DGKB: variants seen among roughly 807,000 people sequenced by gnomAD.
The protein encoded by DGKB is diacylglycerol kinase beta.
In DGKB, 67 loss-of-function variants were observed where a neutral mutation model predicts 114.3. The ratio of observed to expected loss-of-function variants is 0.59; its 90% CI spans 0.48 to 0.72. The LOEUF (loss-of-function observed/expected upper bound fraction) is 0.72. Ranked by LOEUF, DGKB falls within the 30% of genes least tolerant of loss-of-function variation. DGKB has a pLI of 0.00. For missense variants in DGKB, 907 were observed against 975.2 expected (o/e 0.93, Z 0.93); for synonymous variants, 398 against 323.1 (o/e 1.23, Z -2.49).
chr7:14,368,933 T>C (rs566954529), intron 21 of DGKB, among the ~76,000 whole-genome samples: 1 of 152,180 alleles, frequency 6.6e-6, no homozygotes, highest in South Asian at 2.1e-4. Flanking sequence ...TTTGTTGTTG[T>C]TTTTGTTTTT....
chr7:14,605,360 T>C (rs1016192972), intron 17 of DGKB, among the ~76,000 whole-genome samples: 4 of 125,536 alleles, frequency 3.2e-5, no homozygotes, highest in Non-Finnish European at 6.7e-5. Flanking sequence ...ATTTCATATA[T>C]ATATACTATA....
chr7:14,836,072 C>T (rs769589561), intron 2 of DGKB, among the ~76,000 whole-genome samples: 2 of 152,094 alleles, frequency 1.3e-5, no homozygotes, highest in Non-Finnish European at 2.9e-5. Context: ...AGCTGAGGCT[C>T]AGGTAGTTTA....
chr7:14,369,596 A>T lies in DGKB; in HGVS notation c.1836-24205T>A, dbSNP rs141047945. 5.7e-3 allele frequency among the ~76,000 whole-genome samples: 875 copies of T among 152,186 alleles called. 5 individuals carry two copies. The highest frequency in any genetic ancestry group is 0.017 in the Middle Eastern group (5 of 294). On this transcript the variant is annotated intron_variant, in intron 21 of 25. Coordinates refer to ENST00000402815, the MANE Select transcript of DGKB (RefSeq NM_001350709.2). ...CTCCAGCATCTGTTGCTTCCTGACT[A>T]TTTAATGATCGCCATTCTAACTGGC...
rs138456829 is a variant in DGKB, at chr7:14,176,398, G to A, written c.2304+441C>T. On this transcript the variant is annotated intron_variant, in intron 25 of 25. Coordinates refer to ENST00000402815, the MANE Select transcript of DGKB (RefSeq NM_001350709.2). The stretch of plus-strand genomic sequence containing the variant: ...TGGAGAGAAATTTTTTTCTTATGGA[G>A]AAGAAAGCCCTCAAATCCCCAAATG... 8.7e-4 allele frequency: 858 copies of A among 984,932 alleles called. 4 individuals are homozygous for A. In the African/African-American group the frequency reaches 0.014, roughly 16 times the overall value. 61.0% of individuals were successfully genotyped at this position (984,932 alleles called of 1,614,324 possible). A position where few individuals can be genotyped will look rare whatever the true frequency, so the allele number is the denominator to read the frequency against.
intron 2 of DGKB, among the ~76,000 whole-genome samples, chr7:14,780,532 C>T (rs1009379216): frequency 6.6e-6 from 1 of 152,152 alleles, no homozygotes; most frequent in Non-Finnish European, 1.5e-5. Context: ...ATGTTCCAAG[C>T]ATCAGGTAAA....
intron 25 of DGKB, among the ~76,000 whole-genome samples, chr7:14,170,133 T>A (rs1212937762): frequency 1.1e-4 from 4 of 36,620 alleles, no homozygotes; most frequent in Admixed American, 4.3e-4. Context: ...AAACTCCATC[T>A]CAAAAAAAAA....
At chr7:14,470,321 G>T (rs1290156971) in intron 21 of DGKB, among the ~76,000 whole-genome samples, 1 of 151,744 alleles carries the variant, frequency 6.6e-6, no homozygotes. Context: ...GCTAATAAAA[G>T]ATAGTGACAT....
chr7:14,195,035 C>A (rs185265944), intron 23 of DGKB, among the ~76,000 whole-genome samples: 6,932 of 152,164 alleles, frequency 0.046, 513 homozygotes, highest in African/African-American at 0.16. Flanking sequence ...AGTTTAAAGA[C>A]TTCCCACAGC....
In DGKB at chr7:14,188,597, T is replaced by C. The variant is rs553619306; in HGVS notation, c.2123-10446A>G. On this transcript the variant is annotated intron_variant, in intron 23 of 25. Transcript: ENST00000402815. ...ATGGCGTGAACCCGGGAGGCGGAGC[T>C]TGCAGTGAGCCTAGATCCCGCCACT... is the stretch of plus-strand genomic sequence containing the variant. Among the ~76,000 whole-genome samples the C allele has an allele frequency of 4.3e-5, 5 of 115,536 alleles. No individual in the cohort carries two copies. The South Asian group carries it at 7.2e-4, about 17-fold the overall frequency. 75.8% of individuals were successfully genotyped at this position (115,536 alleles called of 152,430 possible).
At chr7:14,354,679 CA>C (rs1814123456) in intron 21 of DGKB, among the ~76,000 whole-genome samples, 1 of 152,198 alleles carries the variant, frequency 6.6e-6, no homozygotes, top group East Asian at 1.9e-4. Flanking sequence ...CCAGGCCTTC[CA>C]AAGGTTCTTT....
chr7:14,386,416 C>T (rs1820346968), intron 21 of DGKB, among the ~76,000 whole-genome samples: 2 of 152,130 alleles, frequency 1.3e-5, no homozygotes, highest in Admixed American at 6.6e-5. Context: ...ATCTAGGCTG[C>T]CTGTGGCCCT....
chr7:14,313,409 G>T lies in DGKB; in HGVS notation c.2122+25106C>A, dbSNP rs999231575. ...GCCAGACAGTGGGCGCAGGTCAGTG[G>T]GTGTGCGCACAGTGCGCGAGCCGAA... On this transcript the variant is annotated intron_variant, in intron 23 of 25. Coordinates refer to ENST00000402815, the MANE Select transcript of DGKB (RefSeq NM_001350709.2). 2.0e-5 allele frequency among the ~76,000 whole-genome samples: 3 copies of T among 151,968 alleles called. No individual in the cohort carries two copies. The East Asian group carries it at 5.8e-4, about 30-fold the overall frequency.
At chr7:14,810,445 C>G (rs1366926695) in intron 2 of DGKB, among the ~76,000 whole-genome samples, 2 of 152,074 alleles carry the variant, frequency 1.3e-5, no homozygotes, top group Non-Finnish European at 2.9e-5. Context: ...CTGCAAATGT[C>G]AAGTTAAAGC....
intron 21 of DGKB, among the ~76,000 whole-genome samples, chr7:14,390,558 CA>C (rs1473503064): frequency 6.6e-6 from 1 of 152,098 alleles, no homozygotes; most frequent in African/African-American, 2.4e-5. Flanking sequence ...CTATTTTATA[CA>C]CTTAATTTTT....
intron 2 of DGKB, among the ~76,000 whole-genome samples, chr7:14,782,100 C>G (rs1207489246): frequency 1.3e-5 from 2 of 151,142 alleles, no homozygotes; most frequent in African/African-American, 4.9e-5. Context: ...TCTCGGCTCA[C>G]TGCAACCTCT....
intron 14 of DGKB, among the ~76,000 whole-genome samples, chr7:14,628,356 A>G (rs1051082831): frequency 2.0e-5 from 3 of 148,166 alleles, no homozygotes; most frequent in Non-Finnish European, 4.5e-5. Flanking sequence ...AGTTAAGTTT[A>G]GAGAGAACAA....
At chr7:14,832,415 G>C (rs563837832) in intron 2 of DGKB, among the ~76,000 whole-genome samples, 1 of 151,988 alleles carries the variant, frequency 6.6e-6, no homozygotes, top group South Asian at 2.1e-4. Flanking sequence ...GTTTACTTTA[G>C]TTATAATCCT....
intron 6 of DGKB, among the ~76,000 whole-genome samples, chr7:14,703,313 G>A (rs1462042650): frequency 6.6e-6 from 1 of 152,062 alleles, no homozygotes; most frequent in East Asian, 1.9e-4. Flanking sequence ...ATTTCACGTC[G>A]CTCAAATTTG....
At chr7:14,459,256 AG>A (rs970166082) in intron 21 of DGKB, among the ~76,000 whole-genome samples, 15 of 152,140 alleles carry the variant, frequency 9.9e-5, no homozygotes, top group African/African-American at 3.6e-4. Flanking sequence ...ACCCGGGGGA[AG>A]GGGTAGCTGT....
Sources: gnomAD v4.1 joint callset for allele counts (sites outside exome capture counted in the v4.1 genomes callset) on GRCh38, gnomAD v4.1.1 for gene constraint, MANE v1.5 for transcripts, NCBI Gene and HGNC (gene_info 2026-07-23, HGNC 2026-07-21) for gene names.